Variants in OSBP observed in about 807,000 individuals in gnomAD.
The protein encoded by OSBP is oxysterol-binding protein 1.
In OSBP, 32 loss-of-function variants were observed where a neutral mutation model predicts 96.6. That is an observed-to-expected ratio of 0.33 (90% CI 0.25 to 0.45). OSBP has a LOEUF of 0.45. OSBP is among the 20% of genes least tolerant of loss of function. The pLI is 1.00. For synonymous variants in OSBP, 369 were observed against 389.6 expected, an observed-to-expected ratio of 0.95 and a Z score of 0.62; for missense variants, 653 against 1,029.7, an observed-to-expected ratio of 0.63 and a Z score of 5.01.
At chr11:59,611,365 T>C (rs957534601) in intron 1 of OSBP, among the ~76,000 whole-genome samples, 3 of 152,166 alleles carry the variant, frequency 2.0e-5, no homozygotes, top group African/African-American at 7.2e-5. Context: ...ACTTAGCAAG[T>C]TGTAATTATA....
In OSBP at chr11:59,576,621, A is replaced by G; in HGVS notation, c.2380T>C (p.Cys794Arg). Residue 794 changes from cysteine (C) to arginine (R), a missense_variant, in exon 14 of 14, where the codon TGT becomes CGT. Physicochemically the swap from Cys to Arg is radical, Grantham distance 180. Coordinates refer to ENST00000263847, the MANE Select transcript of OSBP (RefSeq NM_002556.3). Reference sequence around the variant, plus strand: ...GAGCTCCAGTCCTGTTTTTCTTTACACTCCCAGTATTCTCCCCTATAAATA... The same window carrying G: ...GAGCTCCAGTCCTGTTTTTCTTTACGCTCCCAGTATTCTCCCCTATAAATA... ...THIYRGEYWE[C>R]KEKQDWSSCP... 6.2e-7 allele frequency: 1 copy of G among 1,613,630 alleles called. No individual in the cohort carries two copies. Among genetic ancestry groups the G allele is most frequent in the Non-Finnish European group, 8.5e-7 (1 of 1,179,944 alleles).
Position 59,583,659 on chromosome 11 carries a change from T to TC in OSBP, c.1679-2106_1679-2105insG, listed in dbSNP as rs1475436186. 2.1e-3 allele frequency among the ~76,000 whole-genome samples: 291 copies of TC among 137,748 alleles called. 2 individuals are homozygous for TC. Among genetic ancestry groups the TC allele is most frequent in the African/African-American group, 7.1e-3 (237 of 33,326 alleles). 90.4% of individuals were successfully genotyped at this position (137,748 alleles called of 152,430 possible). On this transcript the variant is annotated intron_variant, in intron 9 of 13. Coordinates refer to ENST00000263847, the MANE Select transcript of OSBP (RefSeq NM_002556.3). ...GTTTTTTTTTTTTTTTTTTTTTTTT[T>TC]TCGAGATGGAGTCTTGCTCTGTCAC...
intron 7 of OSBP, among the ~76,000 whole-genome samples, chr11:59,596,148 C>T (rs1056823218): frequency 1.3e-5 from 2 of 151,948 alleles, no homozygotes; most frequent in African/African-American, 4.8e-5. Flanking sequence ...ACCCCAGAGC[C>T]CTCTTCCCTA....
At position 59,575,570 on chromosome 11, in the gene OSBP, C is replaced by A. The variant is rs1860352506; in HGVS notation, c.*1007G>T. On this transcript the variant is annotated 3_prime_UTR_variant, in exon 14 of 14. Coordinates refer to ENST00000263847, the MANE Select transcript of OSBP (RefSeq NM_002556.3). ...TTAACACATTATTCCAGAGGTGGCT[C>A]CAGTCCTTGGGGCTTGAGAGATGGT... is the stretch of plus-strand genomic sequence containing the variant. 2.0e-5 allele frequency: 3 copies of A among 152,588 alleles called. No homozygotes were observed. Among genetic ancestry groups the A allele is most frequent in the African/African-American group, 7.2e-5 (3 of 41,456 alleles). 9.5% of individuals were successfully genotyped at this position (152,588 alleles called of 1,614,324 possible).
Position 59,583,590 on chromosome 11 carries a change from C to A in OSBP, c.1679-2036G>T, listed in dbSNP as rs183224166. Reference sequence around the variant, plus strand: ...CATTATTTCATTTAATATTCACAAACACCTTCGAAATATTTGCTCCACCTA... The same window carrying A: ...CATTATTTCATTTAATATTCACAAAAACCTTCGAAATATTTGCTCCACCTA... On this transcript the variant is annotated intron_variant, in intron 9 of 13. Transcript: ENST00000263847. Among the ~76,000 whole-genome samples, 435 of 151,172 alleles carry A rather than the reference C, an allele frequency of 2.9e-3. 2 individuals are homozygous for A. The highest frequency in any genetic ancestry group is 4.7e-3 in the Non-Finnish European group (318 of 67,904).
At chr11:59,603,982 A>G (rs1051032552) in intron 3 of OSBP, among the ~76,000 whole-genome samples, 3 of 152,144 alleles carry the variant, frequency 2.0e-5, no homozygotes, top group African/African-American at 7.2e-5. Flanking sequence ...CTTCTTTAAT[A>G]TTTTAAAAAT....
intron 3 of OSBP, among the ~76,000 whole-genome samples, chr11:59,607,982 T>C (rs1334919223): frequency 6.6e-6 from 1 of 152,214 alleles, no homozygotes; most frequent in Non-Finnish European, 1.5e-5. Context: ...GTACCTGATC[T>C]AGCCTCCACT....
At chr11:59,578,883 ATAG>A (rs1860388616) in intron 11 of OSBP, among the ~76,000 whole-genome samples, 1 of 152,142 alleles carries the variant, frequency 6.6e-6, no homozygotes, top group Admixed American at 6.5e-5. Flanking sequence ...TTGTGAGTTC[ATAG>A]TAGGTGTATA....
intron 1 of OSBP, among the ~76,000 whole-genome samples, chr11:59,612,581 G>A (rs1860863769): frequency 6.6e-6 from 1 of 152,062 alleles, no homozygotes; most frequent in Admixed American, 6.6e-5. Flanking sequence ...AAAATACCAA[G>A]GAACTCTGGG....
intron 11 of OSBP, among the ~76,000 whole-genome samples, chr11:59,578,884 T>C (rs1268038032): frequency 6.6e-6 from 1 of 152,246 alleles, no homozygotes; most frequent in Non-Finnish European, 1.5e-5. Flanking sequence ...TGTGAGTTCA[T>C]AGTAGGTGTA....
At chr11:59,598,668 C>A (rs367801009) in intron 7 of OSBP, among the ~76,000 whole-genome samples, 1 of 152,220 alleles carries the variant, frequency 6.6e-6, no homozygotes, top group East Asian at 1.9e-4. Flanking sequence ...CAGCTCACTG[C>A]AACCTCTGCC....
chr11:59,598,297 T>C (rs1292664718), intron 7 of OSBP, among the ~76,000 whole-genome samples: 1 of 152,208 alleles, frequency 6.6e-6, no homozygotes, highest in Admixed American at 6.5e-5. Flanking sequence ...ACGCAGTCTA[T>C]GAAGAGGCAG....
intron 3 of OSBP, among the ~76,000 whole-genome samples, chr11:59,606,570 T>C (rs1860783473): frequency 6.6e-6 from 1 of 152,184 alleles, no homozygotes; most frequent in Non-Finnish European, 1.5e-5. Flanking sequence ...AAAAACTACC[T>C]GTTGCGTACT....
At position 59,590,172 on chromosome 11, in the gene OSBP, T is replaced by A. The variant is rs1860559794; in HGVS notation, c.1678+3432A>T. ...TTTAGGCACTTTCATTGGTATTAGA[T>A]TTTCTTCAGTCATGGCTATGACTTT... On this transcript the variant is annotated intron_variant, in intron 9 of 13. Transcript: ENST00000263847. Among the ~76,000 whole-genome samples the A allele has an allele frequency of 1.3e-5, 2 of 152,194 alleles. 1 individual carries two copies. The highest frequency in any genetic ancestry group is 4.1e-4 in the South Asian group (2 of 4,830).
intron 9 of OSBP, among the ~76,000 whole-genome samples, chr11:59,586,669 T>C (rs1347692177): frequency 6.6e-6 from 1 of 152,206 alleles, no homozygotes; most frequent in Non-Finnish European, 1.5e-5. Context: ...ATCTAAAATG[T>C]GTGGTACTAG....
rs1287579121 is a variant in OSBP at position 59,574,990 on chromosome 11, T to G, written c.*1587A>C. Reference sequence around the variant, plus strand: ...TCAATTTGTGATCCTCAACCAAGGGTGGGTTGCACAGGGGATATTTCTCAA... The same window carrying G: ...TCAATTTGTGATCCTCAACCAAGGGGGGGTTGCACAGGGGATATTTCTCAA... On this transcript the variant is annotated 3_prime_UTR_variant, in exon 14 of 14. Coordinates refer to ENST00000263847, the MANE Select transcript of OSBP (RefSeq NM_002556.3). 6.6e-6 allele frequency: 1 copy of G among 152,014 alleles called. No individual in the cohort carries two copies. The allele number at this position is 152,014 out of a possible 1,614,324, so 9.4% of individuals were successfully genotyped here. A position where few individuals can be genotyped will look rare whatever the true frequency, so the allele number is the denominator to read the frequency against.
Position 59,576,589 on chromosome 11 carries a change from C to A in OSBP, c.2412G>T (p.Pro804=), listed in dbSNP as rs149231964. The part of the protein sequence containing the change: ...CKEKQDWSSC[P]DIF The stretch of plus-strand genomic sequence containing the variant: ...TGTTACTGCCGTTTCAGAAAATGTC[C>A]GGGCATGAGCTCCAGTCCTGTTTTT... The change falls in exon 14 of 14, where the codon CCG becomes CCT. Residue 804 remains proline (P), a synonymous_variant. Coordinates refer to ENST00000263847, the MANE Select transcript of OSBP (RefSeq NM_002556.3). 3 of 1,612,880 alleles carry A rather than the reference C, an allele frequency of 1.9e-6. No homozygotes were observed. The highest frequency in any genetic ancestry group is 3.4e-5 in the Admixed American group (2 of 59,642).
At chr11:59,581,618 A>C in intron 9 of OSBP, 64 bp from the exon 10 acceptor site, 9 of 827,928 alleles carry the variant, frequency 1.1e-5, no homozygotes, top group Non-Finnish European at 1.9e-5. Flanking sequence ...ATGCAGCCTC[A>C]AAACAGTAAT....
intron 2 of OSBP, 23 bp downstream of exon 2, chr11:59,610,358 G>T: frequency 6.2e-7 from 1 of 1,605,642 alleles, no homozygotes; most frequent in Non-Finnish European, 8.5e-7. Flanking sequence ...AAGTTCCCCA[G>T]GCAGGTGTTC....
Sources: allele counts gnomAD v4.1 joint callset (sites outside exome capture counted in the v4.1 genomes callset), GRCh38; gene constraint gnomAD v4.1.1; transcripts MANE v1.5; gene names NCBI Gene and HGNC (gene_info 2026-07-23, HGNC 2026-07-21).